The following SHC2 variants were observed in gnomAD, a reference collection of about 807,000 sequenced individuals.
SHC2 encodes the protein SHC-transforming protein 2.
A neutral mutation model predicts 60.6 loss-of-function variants in SHC2; 62 were observed. The observed-to-expected ratio is 1.02, with a 90% CI of 0.83 to 1.26. SHC2 has a LOEUF of 1.26. Among genes scored for constraint, SHC2 ranks in the 50% most tolerant of loss-of-function variants. The probability of loss-of-function intolerance (pLI) is 0.00; values close to 1 mark genes in which losing one functional copy is unlikely to be tolerated. For synonymous variants in SHC2, 375 were observed against 372.4 expected, an observed-to-expected ratio of 1.01 and a Z score of -0.08; for missense variants, 873 against 822.2, an observed-to-expected ratio of 1.06 and a Z score of -0.76.
chr19:446,405 G>T lies in SHC2; in HGVS notation c.469-5473C>A, dbSNP rs573431608. The stretch of plus-strand genomic sequence containing the variant: ...GACTCACTGCAACTTCCGCCTCCCG[G>T]GTTCACACCATTCTCCTGTCTCAGC... On this transcript the variant is annotated intron_variant, in intron 1 of 12. Coordinates refer to ENST00000264554, the MANE Select transcript of SHC2 (RefSeq NM_012435.3). This position sits in a 1 kb window ranked among gnomAD's most constrained non-coding sequence, Gnocchi z 5.4. Among the ~76,000 whole-genome samples the T allele has an allele frequency of 3.3e-4, 50 of 152,204 alleles. No homozygotes were observed. The highest frequency in any genetic ancestry group is 1.2e-3 in the African/African-American group (49 of 41,522).
In SHC2 at chr19:424,387, G is replaced by T. The variant is rs374975360; in HGVS notation, c.1309+710C>A. Among the ~76,000 whole-genome samples the T allele has an allele frequency of 1.6e-4, 25 of 152,202 alleles. 1 individual carries two copies. The East Asian group carries it at 1.8e-3, about 11-fold the overall frequency. Reference sequence around the variant, plus strand: ...AGCTGTGCCTCCCCCATCAGGCCGGGATTTCCGTAGGAAGAATCCTCAGAC... The same window carrying T: ...AGCTGTGCCTCCCCCATCAGGCCGGTATTTCCGTAGGAAGAATCCTCAGAC... On this transcript the variant is annotated intron_variant, in intron 10 of 12. Coordinates refer to ENST00000264554, the MANE Select transcript of SHC2 (RefSeq NM_012435.3). The surrounding 1 kb of genome is among the most constrained non-coding windows in gnomAD (Gnocchi z 4.5).
intron 9 of SHC2, among the ~76,000 whole-genome samples, chr19:429,324 C>T (rs1000638903): frequency 6.8e-5 from 10 of 146,642 alleles, no homozygotes; most frequent in Admixed American, 1.4e-4. Flanking sequence ...AACCTAACAC[C>T]GTGTGGATGA....
intron 1 of SHC2, among the ~76,000 whole-genome samples, chr19:456,108 TCTCTGTGCCTCAGTTTCC>T (rs762309423): frequency 3.9e-5 from 6 of 152,172 alleles, no homozygotes; most frequent in Non-Finnish European, 7.4e-5. Flanking sequence ...CAGCTCGGCC[TCTCTGTGCCTCAGTTTCC>T]CTCAGTGCAC....
chr19:447,283 C>T (rs1458091110), intron 1 of SHC2, among the ~76,000 whole-genome samples: 48 of 126,364 alleles, frequency 3.8e-4, no homozygotes, highest in African/African-American at 7.0e-4. Context: ...AGGAAGGGGA[C>T]GCGTGGGCGC....
intron 8 of SHC2, among the ~76,000 whole-genome samples, 170 bp downstream of exon 8, chr19:434,539 T>TGA (rs1568287370): frequency 0.011 from 4 of 366 alleles, no homozygotes; most frequent in Non-Finnish European, 0.024. Flanking sequence ...TGAGTGAGAT[T>TGA]GTGAGTCTGT....
intron 1 of SHC2, among the ~76,000 whole-genome samples, chr19:455,152 C>T (rs1468036784): frequency 2.0e-5 from 3 of 152,210 alleles, no homozygotes; most frequent in African/African-American, 4.8e-5. Flanking sequence ...TGACCTGGAC[C>T]CATGACAAAG....
chr19:443,988 G>A (rs1974988734), intron 1 of SHC2, among the ~76,000 whole-genome samples: 1 of 149,578 alleles, frequency 6.7e-6, no homozygotes. Context: ...CGGATGGTTG[G>A]ATGGATGGAC....
intron 1 of SHC2, among the ~76,000 whole-genome samples, chr19:458,792 C>T (rs112541501): frequency 3.0e-5 from 4 of 134,466 alleles, no homozygotes; most frequent in South Asian, 4.7e-4. Context: ...GAGGCGGAAG[C>T]GGGTCCTGGG....
At position 461,018 on chromosome 19, in the gene SHC2, C is replaced by CT; in HGVS notation, c.-23_-22insA. ...TCATGGCCGCGGCCGCCCGACGGAG[C>CT]CCGACCGGGCGCTGCGCCTGGCGCG... On this transcript the variant is annotated 5_prime_UTR_variant, in exon 1 of 13. Transcript: ENST00000264554. 1 of 850,310 alleles carries CT rather than the reference C, an allele frequency of 1.2e-6. No individual in the cohort carries two copies. The highest frequency in any genetic ancestry group is 1.4e-6 in the Non-Finnish European group (1 of 706,450). The allele number at this position is 850,310 out of a possible 1,614,324, so 52.7% of individuals were successfully genotyped here. A position where few individuals can be genotyped will look rare whatever the true frequency, so the allele number is the denominator to read the frequency against.
intron 1 of SHC2, among the ~76,000 whole-genome samples, chr19:447,386 G>A (rs1975077285): frequency 6.6e-6 from 1 of 152,244 alleles, no homozygotes; most frequent in South Asian, 2.1e-4. Flanking sequence ...ACTAGACACG[G>A]GTGAGGGTTG....
intron 1 of SHC2, among the ~76,000 whole-genome samples, chr19:459,521 TCTCAA>T (rs1481935055): frequency 9.5e-6 from 1 of 105,132 alleles, no homozygotes; most frequent in Non-Finnish European, 2.0e-5. Flanking sequence ...GAAGGACCCT[TCTCAA>T]CTCAGTGTAG....
chr19:425,659 G>A lies in SHC2; in HGVS notation c.1175-428C>T, dbSNP rs539992376. 1.3e-3 allele frequency among the ~76,000 whole-genome samples: 201 copies of A among 152,272 alleles called. 3 individuals are homozygous for A. Among genetic ancestry groups the A allele is most frequent in the Non-Finnish European group, 1.3e-4 (9 of 68,016 alleles). On this transcript the variant is annotated intron_variant, in intron 9 of 12. Coordinates refer to ENST00000264554, the MANE Select transcript of SHC2 (RefSeq NM_012435.3). This position sits in a 1 kb window ranked among gnomAD's most constrained non-coding sequence, Gnocchi z 4.1. ...TATGCTATCAACATGACGCACGGAG[G>A]GTCACTTATTCTGACTCAGTTCTAT...
In SHC2 at chr19:434,761, A is replaced by G. The variant is rs769843461; in HGVS notation, c.1058T>C (p.Val353Ala). ...PGKEPPLGGLVDSRLALTQPC... is the reference protein window; with the variant it reads ...PGKEPPLGGLADSRLALTQPC... ...CTGTGTCAGGGCCAGCCTGGAGTCC[A>G]CTAGCCCGCCCAGCGGCGGCTCCTT... Residue 353 changes from valine to alanine, a missense_variant, in exon 8 of 13, where the codon GTG (valine) becomes GCG (alanine). Val to Ala is a moderately conservative substitution (Grantham distance 64). Coordinates refer to ENST00000264554, the MANE Select transcript of SHC2 (RefSeq NM_012435.3). 6.2e-7 allele frequency: 1 copy of G among 1,612,878 alleles called. No homozygotes were observed. The highest frequency in any genetic ancestry group is 1.7e-5 in the Admixed American group (1 of 59,994).
At chr19:454,751 C>T (rs138880398) in intron 1 of SHC2, among the ~76,000 whole-genome samples, 409 of 151,800 alleles carry the variant, frequency 2.7e-3, no homozygotes, top group Middle Eastern at 6.8e-3. Context: ...GATCGCGCCA[C>T]GGCACTCCAG....
chr19:434,999 A>G (rs1319730258), intron 7 of SHC2, 134 bp from the exon 8 acceptor site: 2 of 887,454 alleles, frequency 2.3e-6, no homozygotes, highest in African/African-American at 1.7e-5. Context: ...GAGGGTTCCT[A>G]CCGGGAAACG....
At chr19:420,663 A>G (rs1351786899) in intron 11 of SHC2, among the ~76,000 whole-genome samples, 1 of 152,248 alleles carries the variant, frequency 6.6e-6, no homozygotes, top group East Asian at 1.9e-4. Context: ...CCTGTAAAAT[A>G]ATGATGCACT....
intron 1 of SHC2, among the ~76,000 whole-genome samples, chr19:454,974 C>T (rs142703027): frequency 5.2e-4 from 79 of 152,304 alleles, no homozygotes; most frequent in African/African-American, 1.7e-3. Flanking sequence ...TCCTGTCCCG[C>T]GTCCTTCTCT....
intron 1 of SHC2, among the ~76,000 whole-genome samples, chr19:454,969 TC>T (rs1423229918): frequency 2.6e-5 from 4 of 152,160 alleles, no homozygotes; most frequent in African/African-American, 7.2e-5. Context: ...TCTCATCCTG[TC>T]CCGCGTCCTT....
chr19:430,718 G>T lies in SHC2; in HGVS notation c.1140C>A (p.Cys380Ter), dbSNP rs1295582634. ...QGPSPSLRDACSLPWDVGSTG... is the reference protein window; with the variant it reads ...QGPSPSLRDA The stretch of plus-strand genomic sequence containing the variant: ...TGGACCCCACGTCCCATGGCAGGCT[G>T]CAGGCATCTCTTAGAGAAGGAGATG... Residue 380 changes from cysteine (C) to a stop codon, truncating the protein, a stop_gained, in exon 9 of 13, where the codon TGC becomes TGA. Coordinates refer to ENST00000264554, the MANE Select transcript of SHC2 (RefSeq NM_012435.3). LOFTEE classifies it high-confidence loss of function. The T allele has an allele frequency of 1.2e-6, 2 of 1,612,992 alleles. No homozygotes were observed. Among genetic ancestry groups the T allele is most frequent in the African/African-American group, 1.3e-5 (1 of 74,916 alleles).
Sources: gnomAD v4.1 joint callset for allele counts (sites outside exome capture counted in the v4.1 genomes callset) on GRCh38, gnomAD v4.1.1 for gene constraint, Gnocchi (gnomAD v3.1) non-coding constraint, MANE v1.5 for transcripts, NCBI Gene and HGNC (gene_info 2026-07-23, HGNC 2026-07-21) for gene names.